The following CMSS1 variants were observed in gnomAD, a reference collection of about 807,000 sequenced individuals.
CMSS1 encodes the protein protein CMSS1.
CMSS1 carries 33 observed loss-of-function variants against 43.5 expected under a neutral mutation model. The ratio of observed to expected loss-of-function variants is 0.76; its 90% CI spans 0.57 to 1.01. The LOEUF (loss-of-function observed/expected upper bound fraction) is 1.01, where lower values mean the gene tolerates loss of function less well. Ranked by LOEUF, CMSS1 falls within the 50% of genes least tolerant of loss-of-function variation. The pLI, the probability that CMSS1 is intolerant of heterozygous loss-of-function variation, is 0.00. For missense variants in CMSS1, 313 were observed against 326.4 expected (o/e 0.96, Z 0.32); for synonymous variants, 115 against 117.2 (o/e 0.98, Z 0.12).
intron 1 of CMSS1, among the ~76,000 whole-genome samples, chr3:99,912,963 G>T (rs1174826332): frequency 6.6e-6 from 1 of 152,152 alleles, no homozygotes; most frequent in Non-Finnish European, 1.5e-5. Flanking sequence ...CAATGTGATG[G>T]TATTAGGAAG....
intron 1 of CMSS1, among the ~76,000 whole-genome samples, chr3:100,072,815 C>T (rs987508335): frequency 1.3e-5 from 2 of 152,132 alleles, no homozygotes; most frequent in African/African-American, 2.4e-5. Context: ...TCTAGGGACT[C>T]ATGAGTCACT....
chr3:100,095,384 T>TG (rs1435639050), intron 1 of CMSS1, among the ~76,000 whole-genome samples: 3 of 152,130 alleles, frequency 2.0e-5, no homozygotes, highest in African/African-American at 4.8e-5. Context: ...TCTGTATCCG[T>TG]GAATTCAACC....
chr3:99,882,105 T>C (rs1355748350), intron 1 of CMSS1, among the ~76,000 whole-genome samples: 1 of 152,240 alleles, frequency 6.6e-6, no homozygotes, highest in Non-Finnish European at 1.5e-5. Context: ...GCATAAATTT[T>C]AATTATAAAC....
intron 1 of CMSS1, among the ~76,000 whole-genome samples, chr3:100,043,503 T>C (rs1387393673): frequency 1.3e-5 from 2 of 152,208 alleles, no homozygotes; most frequent in Non-Finnish European, 2.9e-5. Context: ...GTATTTATTA[T>C]GTCTCATTTG....
intron 1 of CMSS1, among the ~76,000 whole-genome samples, chr3:100,128,731 G>A (rs184253385): frequency 3.0e-3 from 453 of 152,240 alleles, no homozygotes; most frequent in Non-Finnish European, 4.9e-3. Context: ...GCCTACTCTA[G>A]AAGTTCCTAT....
At chr3:99,870,952 T>G (rs1944758534) in intron 1 of CMSS1, among the ~76,000 whole-genome samples, 2 of 152,168 alleles carry the variant, frequency 1.3e-5, no homozygotes, top group Non-Finnish European at 2.9e-5. Flanking sequence ...CATATTTTGC[T>G]TGAAGGCCAT....
chr3:99,973,279 T>G (rs566229974), intron 1 of CMSS1, among the ~76,000 whole-genome samples: 13 of 152,240 alleles, frequency 8.5e-5, no homozygotes, highest in Non-Finnish European at 1.8e-4. Context: ...TAACAAATTT[T>G]AAATATTCAT....
At chr3:100,016,084 A>G (rs1255714566) in intron 1 of CMSS1, among the ~76,000 whole-genome samples, 1 of 152,188 alleles carries the variant, frequency 6.6e-6, no homozygotes, top group Non-Finnish European at 1.5e-5. Flanking sequence ...ACTTCATTTC[A>G]GCAAGTGTGA....
chr3:100,000,612 G>T (rs775546378), intron 1 of CMSS1, among the ~76,000 whole-genome samples: 1 of 152,310 alleles, frequency 6.6e-6, no homozygotes, highest in Non-Finnish European at 1.5e-5. Context: ...CACTTTGGGA[G>T]GCCAAGGCAG....
At chr3:99,946,043 A>G (rs1707997976) in intron 1 of CMSS1, among the ~76,000 whole-genome samples, 1 of 152,264 alleles carries the variant, frequency 6.6e-6, no homozygotes, top group Non-Finnish European at 1.5e-5. Flanking sequence ...CAATAAAAAG[A>G]TAAAGTTCTT....
Position 100,064,398 on chromosome 3 carries a change from CT to C in CMSS1, c.65-82563del, listed in dbSNP as rs527292402. ...AGCTAATCCTGACCCCCCCAACACC[CT>C]TTTTTTTTTTTCAACATTAAAGCCA... On this transcript the variant is annotated intron_variant, in intron 1 of 9. Coordinates refer to ENST00000421999, the MANE Select transcript of CMSS1 (RefSeq NM_032359.4). Among the ~76,000 whole-genome samples the C allele has an allele frequency of 1.1e-3, 159 of 145,930 alleles. 1 individual carries two copies. The highest frequency in any genetic ancestry group is 2.1e-3 in the Admixed American group (31 of 14,608).
At chr3:99,890,006 G>C (rs1706033739) in intron 1 of CMSS1, among the ~76,000 whole-genome samples, 1 of 151,854 alleles carries the variant, frequency 6.6e-6, no homozygotes, top group South Asian at 2.1e-4. Context: ...TTTTATTCCA[G>C]ACTTCTCTCT....
intron 1 of CMSS1, among the ~76,000 whole-genome samples, chr3:99,976,796 T>A (rs550718982): frequency 1.3e-5 from 2 of 152,318 alleles, no homozygotes; most frequent in African/African-American, 4.8e-5. Flanking sequence ...TCTTTGATTA[T>A]TTTTTAGAAG....
intron 1 of CMSS1, among the ~76,000 whole-genome samples, chr3:100,054,525 ATGTT>A (rs1013720801): frequency 6.6e-6 from 1 of 151,700 alleles, no homozygotes; most frequent in African/African-American, 2.4e-5. Flanking sequence ...ATGTTATGTT[ATGTT>A]ATGTTATGTT....
chr3:100,029,251 T>C (rs1384643230), intron 1 of CMSS1, among the ~76,000 whole-genome samples: 2 of 151,830 alleles, frequency 1.3e-5, no homozygotes, highest in Non-Finnish European at 2.9e-5. Context: ...AAATAAAATA[T>C]TAAAATTAAT....
chr3:99,995,380 C>A (rs1051851380), intron 1 of CMSS1, among the ~76,000 whole-genome samples: 4 of 152,210 alleles, frequency 2.6e-5, no homozygotes, highest in Non-Finnish European at 4.4e-5. Flanking sequence ...GGCAGCTCAG[C>A]CCCTGTGGCT....
chr3:99,820,056 A>G (rs1444446294), intron 1 of CMSS1, among the ~76,000 whole-genome samples: 4 of 152,010 alleles, frequency 2.6e-5, no homozygotes, highest in African/African-American at 9.7e-5. Flanking sequence ...CCTGGCCCCC[A>G]ACAGTTTTAA....
intron 1 of CMSS1, among the ~76,000 whole-genome samples, chr3:99,941,188 G>A (rs910042795): frequency 2.6e-5 from 4 of 151,564 alleles, no homozygotes; most frequent in East Asian, 1.9e-4. Context: ...TATTCCTTAC[G>A]TCTTTTTTTT....
intron 1 of CMSS1, among the ~76,000 whole-genome samples, chr3:99,957,702 T>C (rs1708369078): frequency 8.5e-6 from 1 of 117,370 alleles, no homozygotes; most frequent in African/African-American, 3.4e-5. Flanking sequence ...TCTTTTTTTT[T>C]TTTTTTTTTT....
Sources: gnomAD v4.1 joint callset for allele counts (sites outside exome capture counted in the v4.1 genomes callset) on GRCh38, gnomAD v4.1.1 for gene constraint, MANE v1.5 for transcripts, NCBI Gene and HGNC (gene_info 2026-07-23, HGNC 2026-07-21) for gene names.